RAD21: variants seen among roughly 807,000 people sequenced by gnomAD.
RAD21 encodes the protein double-strand-break repair protein rad21 homolog.
Under a neutral mutation model 71.5 loss-of-function variants are expected in RAD21, and 18 were observed. That is an observed-to-expected ratio of 0.25 (90% CI 0.17 to 0.37). The LOEUF (loss-of-function observed/expected upper bound fraction) is 0.37. Among genes scored for constraint, RAD21 ranks in the 10% least tolerant of loss-of-function variants. The pLI, the probability that RAD21 is intolerant of heterozygous loss-of-function variation, is 1.00. For missense variants in RAD21, 493 were observed against 769.1 expected, an observed-to-expected ratio of 0.64 and a Z score of 4.25; for synonymous variants, 248 against 254.0, an observed-to-expected ratio of 0.98 and a Z score of 0.22.
In RAD21 at chr8:116,854,478, T is replaced by C. The variant is rs1812421360; in HGVS notation, c.938-10A>G. ...GCTTTTGTTTCTTTAACTGGAATGA[T>C]AATAAAAAATAAGATCATTTTCCTG... On this transcript the variant is annotated splice_polypyrimidine_tract_variant and intron_variant, in intron 8 of 13. Transcript: ENST00000297338. 6.3e-7 allele frequency: 1 copy of C among 1,597,112 alleles called. No homozygotes were observed. Among genetic ancestry groups the C allele is most frequent in the Non-Finnish European group, 8.6e-7 (1 of 1,165,434 alleles).
chr8:116,863,716 C>A (rs769921009), intron 2 of RAD21, among the ~76,000 whole-genome samples: 11 of 152,020 alleles, frequency 7.2e-5, no homozygotes, highest in Non-Finnish European at 1.0e-4. Flanking sequence ...GATTTCCCCC[C>A]CAAAAGAACA....
chr8:116,872,523 G>A (rs16889160), intron 1 of RAD21, among the ~76,000 whole-genome samples: 3,583 of 141,438 alleles, frequency 0.025, 143 homozygotes, highest in African/African-American at 0.087. Flanking sequence ...TGTACTGTTT[G>A]ATATATATAT....
chr8:116,870,310 T>G (rs1480620018), intron 1 of RAD21, among the ~76,000 whole-genome samples: 1 of 152,120 alleles, frequency 6.6e-6, no homozygotes, highest in African/African-American at 2.4e-5. Context: ...GAGGAATGCT[T>G]GAGGGCAGGA....
At position 116,872,268 on chromosome 8, in the gene RAD21, A is replaced by G. The variant is rs527456534; in HGVS notation, c.-33+2343T>C. Among the ~76,000 whole-genome samples, 22 of 152,302 alleles carry G rather than the reference A, an allele frequency of 1.4e-4. No homozygotes were observed. The East Asian group carries it at 3.9e-3, about 27-fold the overall frequency. On this transcript the variant is annotated intron_variant, in intron 1 of 13. Coordinates refer to ENST00000297338, the MANE Select transcript of RAD21 (RefSeq NM_006265.3). ...CATTCGTGGTTTTGGTTCTGGAACC[A>G]ATTCCCCTTTAATATCAAGGGACAA... is the stretch of plus-strand genomic sequence containing the variant.
intron 4 of RAD21, among the ~76,000 whole-genome samples, chr8:116,860,317 G>A (rs903239119): frequency 6.6e-6 from 1 of 152,178 alleles, no homozygotes; most frequent in African/African-American, 2.4e-5. Context: ...TAAAGCAGTG[G>A]TAGGGTTTCA....
intron 1 of RAD21, among the ~76,000 whole-genome samples, chr8:116,867,478 C>G (rs565177179): frequency 6.6e-6 from 1 of 152,290 alleles, no homozygotes. Flanking sequence ...TGACATTCTA[C>G]TTTCCTTCAG....
intron 9 of RAD21, among the ~76,000 whole-genome samples, chr8:116,853,449 G>C (rs1244367238): frequency 6.6e-6 from 1 of 151,984 alleles, no homozygotes; most frequent in Admixed American, 6.5e-5. Flanking sequence ...AAAATTTCAG[G>C]CTTCTCTCTT....
intron 4 of RAD21, among the ~76,000 whole-genome samples, chr8:116,860,066 C>G (rs1163683408): frequency 6.6e-6 from 1 of 152,110 alleles, no homozygotes; most frequent in African/African-American, 2.4e-5. Context: ...TTCAAGACTT[C>G]AGTGGAGGCA....
Position 116,852,028 on chromosome 8 carries a change from CTA to C in RAD21, c.1388_1389del (p.Ile463ArgfsTer2). The C allele has an allele frequency of 6.2e-7, 1 of 1,613,196 alleles. No individual in the cohort carries two copies. Among genetic ancestry groups the C allele is most frequent in the Non-Finnish European group, 8.5e-7 (1 of 1,179,238 alleles). ...GGTGGTGGAGGCATAGCTGACTCAT[CTA>C]TGTTTGTTCTGCTGGCCTCCATCAC... ...ESVMEASRTN[I>X]DESAMPPPPP... On this transcript the variant is annotated frameshift_variant, in exon 11 of 14. Coordinates refer to ENST00000297338, the MANE Select transcript of RAD21 (RefSeq NM_006265.3). LOFTEE classifies it high-confidence loss of function.
Position 116,865,638 on chromosome 8 carries a change from A to T in RAD21, c.144+948T>A, listed in dbSNP as rs554095491. ...AACATTTAACAAGAAATGTTTACTA[A>T]ATGGCTAGTCTTTAAAAAGAAAATA... On this transcript the variant is annotated intron_variant, in intron 2 of 13. Transcript: ENST00000297338. Among the ~76,000 whole-genome samples, 16 of 152,316 alleles carry T rather than the reference A, an allele frequency of 1.1e-4. 1 individual carries two copies. Among genetic ancestry groups the T allele is most frequent in the Admixed American group, 9.8e-4 (15 of 15,298 alleles).
intron 8 of RAD21, among the ~76,000 whole-genome samples, chr8:116,855,759 T>A (rs1450159625): frequency 3.3e-5 from 5 of 152,094 alleles, no homozygotes; most frequent in African/African-American, 1.2e-4. Context: ...GTAGACCAAC[T>A]GCACAGCATT....
intron 3 of RAD21, 75 bp from the exon 4 acceptor site, chr8:116,862,015 A>T (rs1423271485): frequency 8.8e-7 from 1 of 1,133,666 alleles, no homozygotes; most frequent in Non-Finnish European, 1.3e-6. Flanking sequence ...ATAAGTAGGT[A>T]TAACTTCCTA....
chr8:116,850,077 C>G (rs187762907), intron 12 of RAD21, among the ~76,000 whole-genome samples: 2 of 152,042 alleles, frequency 1.3e-5, no homozygotes, highest in Admixed American at 6.6e-5. Context: ...TGTAAACATG[C>G]CCCAGGAAAA....
chr8:116,852,735 T>G, intron 9 of RAD21, 27 bp from the exon 10 acceptor site: 1 of 1,370,742 alleles, frequency 7.3e-7, no homozygotes, highest in Non-Finnish European at 9.7e-7. Context: ...AAAGAAAAAT[T>G]TCAATTATAA....
At chr8:116,863,318 CTTTTT>C in intron 2 of RAD21, 59 bp from the exon 3 acceptor site, 1 of 1,522,794 alleles carries the variant, frequency 6.6e-7, no homozygotes, top group Non-Finnish European at 8.9e-7. Flanking sequence ...TCATAGTCTT[CTTTTT>C]ATCTTTTTCC....
At chr8:116,872,535 TAC>T (rs1242508403) in intron 1 of RAD21, among the ~76,000 whole-genome samples, 21 of 127,304 alleles carry the variant, frequency 1.6e-4, no homozygotes, top group East Asian at 1.1e-3. Flanking sequence ...TATATATATA[TAC>T]ATACACACAC....
At chr8:116,849,267 T>C (rs557136126) in intron 12 of RAD21, 14 of 415,750 alleles carry the variant, frequency 3.4e-5, no homozygotes, top group South Asian at 3.1e-4. Context: ...GCTGAAAGTA[T>C]GCTTCTATAT....
chr8:116,863,657 T>A (rs1052958130), intron 2 of RAD21, among the ~76,000 whole-genome samples: 2 of 152,096 alleles, frequency 1.3e-5, no homozygotes, highest in Non-Finnish European at 2.9e-5. Context: ...TGAAACACAG[T>A]TCAGCCAATT....
Position 116,856,136 on chromosome 8 carries a change from C to T in RAD21, c.937+30G>A, listed in dbSNP as rs568344785. ...CAGAAATAGGACCTTATGTTGTATG[C>T]TGTATAAATCTAAAGGTTCATATGC... On this transcript the variant is annotated intron_variant, in intron 8 of 13. Transcript: ENST00000297338. 6.3e-6 allele frequency: 10 copies of T among 1,596,404 alleles called. No homozygotes were observed. The Admixed American group carries it at 7.0e-5, about 11-fold the overall frequency.
Sources: allele counts gnomAD v4.1 joint callset (sites outside exome capture counted in the v4.1 genomes callset), GRCh38; gene constraint gnomAD v4.1.1; transcripts MANE v1.5; gene names NCBI Gene and HGNC (gene_info 2026-07-23, HGNC 2026-07-21).